Variants in NWD2 observed in about 807,000 individuals in gnomAD.
The protein encoded by NWD2 is NACHT and WD repeat domain containing 2, also known as NACHT and WD repeat domain-containing protein 2.
A neutral mutation model predicts 132.7 loss-of-function variants in NWD2; 37 were observed. The ratio of observed to expected loss-of-function variants is 0.28; its 90% CI spans 0.21 to 0.37. The LOEUF (loss-of-function observed/expected upper bound fraction) is 0.37, where lower values mean the gene tolerates loss of function less well. Among genes scored for constraint, NWD2 ranks in the 10% least tolerant of loss-of-function variants. NWD2 has a pLI of 1.00. For missense variants in NWD2, 1,592 were observed against 2,122.4 expected (o/e 0.75, Z 4.91); for synonymous variants, 705 against 803.0 (o/e 0.88, Z 2.06).
intron 1 of NWD2, among the ~76,000 whole-genome samples, chr4:37,274,705 C>T (rs1289170720): frequency 6.6e-6 from 1 of 151,888 alleles, no homozygotes; most frequent in African/African-American, 2.4e-5. Flanking sequence ...AAACCAAATC[C>T]AGCAGCACAT....
intron 1 of NWD2, among the ~76,000 whole-genome samples, chr4:37,311,073 G>A (rs1433457728): frequency 1.3e-5 from 2 of 152,014 alleles, no homozygotes; most frequent in Admixed American, 6.5e-5. Context: ...TTGCTATTGT[G>A]AATAGTGCCA....
intron 2 of NWD2, among the ~76,000 whole-genome samples, chr4:37,335,467 T>A (rs1719387374): frequency 6.6e-6 from 1 of 152,132 alleles, no homozygotes; most frequent in Non-Finnish European, 1.5e-5. Flanking sequence ...CCTCCCCCAC[T>A]AACTGGGAGC....
chr4:37,348,839 C>G (rs1329085325), intron 2 of NWD2, among the ~76,000 whole-genome samples: 1 of 151,156 alleles, frequency 6.6e-6, no homozygotes, highest in Non-Finnish European at 1.5e-5. Flanking sequence ...CCCTAGTACC[C>G]CACCCCACAA....
chr4:37,350,039 G>C (rs1475848588), intron 2 of NWD2, among the ~76,000 whole-genome samples: 1 of 152,196 alleles, frequency 6.6e-6, no homozygotes, highest in Non-Finnish European at 1.5e-5. Context: ...TGTTCCATTG[G>C]TCTATATATC....
intron 1 of NWD2, among the ~76,000 whole-genome samples, chr4:37,311,485 G>A (rs1718840064): frequency 6.6e-6 from 1 of 150,598 alleles, no homozygotes; most frequent in Admixed American, 6.6e-5. Context: ...GGGGTTGTTT[G>A]TTTTTTTCTT....
At chr4:37,256,383 C>T (rs1717518973) in intron 1 of NWD2, among the ~76,000 whole-genome samples, 2 of 152,180 alleles carry the variant, frequency 1.3e-5, no homozygotes, top group Non-Finnish European at 2.9e-5. Context: ...CTGGTAAAAT[C>T]ACAGCTTTCT....
At chr4:37,336,595 T>C (rs1719410215) in intron 2 of NWD2, among the ~76,000 whole-genome samples, 1 of 152,182 alleles carries the variant, frequency 6.6e-6, no homozygotes, top group Non-Finnish European at 1.5e-5. Context: ...GAAATTCACT[T>C]GTATGTGTAA....
intron 2 of NWD2, among the ~76,000 whole-genome samples, chr4:37,337,157 A>G (rs1719426951): frequency 6.6e-6 from 1 of 152,214 alleles, no homozygotes; most frequent in Non-Finnish European, 1.5e-5. Context: ...TCAGTGATGC[A>G]TTTGCCTGCT....
intron 1 of NWD2, among the ~76,000 whole-genome samples, chr4:37,278,569 A>G (rs945425397): frequency 1.2e-4 from 19 of 152,206 alleles, no homozygotes; most frequent in African/African-American, 3.9e-4. Context: ...ATATGTAGCT[A>G]GAAATCAATG....
chr4:37,291,812 A>G (rs1453818481), intron 1 of NWD2, among the ~76,000 whole-genome samples: 1 of 152,222 alleles, frequency 6.6e-6, no homozygotes, highest in African/African-American at 2.4e-5. Context: ...ATCCACAAAT[A>G]TATGATAATC....
At chr4:37,333,903 G>C (rs924051214) in intron 2 of NWD2, among the ~76,000 whole-genome samples, 1 of 152,006 alleles carries the variant, frequency 6.6e-6, no homozygotes, top group African/African-American at 2.4e-5. Context: ...AGAAATTCTG[G>C]AGTTGAAAAG....
chr4:37,335,363 A>C (rs1165693332), intron 2 of NWD2, among the ~76,000 whole-genome samples: 1 of 151,396 alleles, frequency 6.6e-6, no homozygotes, highest in Non-Finnish European at 1.5e-5. Flanking sequence ...CTAATTCATT[A>C]AAATGTAGTG....
intron 1 of NWD2, among the ~76,000 whole-genome samples, chr4:37,291,786 A>G (rs779663848): frequency 2.0e-5 from 3 of 152,196 alleles, no homozygotes; most frequent in Non-Finnish European, 2.9e-5. Context: ...CCTTTTCAAT[A>G]AGACCAGTTA....
At chr4:37,295,914 C>A (rs954799996) in intron 1 of NWD2, among the ~76,000 whole-genome samples, 4 of 152,164 alleles carry the variant, frequency 2.6e-5, no homozygotes, top group African/African-American at 9.7e-5. Context: ...AACATTTGTA[C>A]GTTTGTCCAC....
intron 3 of NWD2, among the ~76,000 whole-genome samples, chr4:37,372,140 T>G (rs1157499951): frequency 6.6e-6 from 1 of 152,342 alleles, no homozygotes; most frequent in East Asian, 1.9e-4. Context: ...TATTTCATTT[T>G]ACTTGTCTCT....
intron 1 of NWD2, among the ~76,000 whole-genome samples, chr4:37,305,139 G>A (rs894353943): frequency 6.6e-6 from 1 of 152,206 alleles, no homozygotes; most frequent in Non-Finnish European, 1.5e-5. Flanking sequence ...GCCACGGCCT[G>A]AGCTCTATGT....
At chr4:37,376,659 A>G (rs1191755041) in intron 3 of NWD2, among the ~76,000 whole-genome samples, 1 of 152,140 alleles carries the variant, frequency 6.6e-6, no homozygotes, top group Non-Finnish European at 1.5e-5. Flanking sequence ...CCTCATCTTT[A>G]TTGATAATAC....
intron 1 of NWD2, among the ~76,000 whole-genome samples, chr4:37,301,538 T>C: frequency 6.6e-6 from 1 of 152,090 alleles, no homozygotes; most frequent in East Asian, 1.9e-4. Flanking sequence ...TGATGAATTC[T>C]GTATAATTTA....
At chr4:37,406,016 G>C (rs1302313858) in intron 3 of NWD2, among the ~76,000 whole-genome samples, 1 of 151,750 alleles carries the variant, frequency 6.6e-6, no homozygotes. Flanking sequence ...AACTGTTCAG[G>C]GTTTATCATA....
Sources: allele counts gnomAD v4.1 joint callset (sites outside exome capture counted in the v4.1 genomes callset), GRCh38; gene constraint gnomAD v4.1.1; transcripts MANE v1.5; gene names NCBI Gene and HGNC (gene_info 2026-07-23, HGNC 2026-07-21).